EPB41L4A: variants seen among roughly 807,000 people sequenced by gnomAD.
EPB41L4A encodes the protein band 4.1-like protein 4A.
A neutral mutation model predicts 108.6 loss-of-function variants in EPB41L4A; 100 were observed. The observed-to-expected ratio is 0.92, with a 90% CI of 0.78 to 1.09. The LOEUF is 1.09. Among genes scored for constraint, EPB41L4A ranks in the 50% least tolerant of loss-of-function variants. The pLI is 0.00. For missense variants in EPB41L4A, 1,030 were observed against 842.7 expected (o/e 1.22, Z -2.75); for synonymous variants, 319 against 289.0 (o/e 1.10, Z -1.05).
chr5:112,180,075 C>T (rs187719055), intron 18 of EPB41L4A, among the ~76,000 whole-genome samples: 3 of 152,030 alleles, frequency 2.0e-5, no homozygotes, highest in East Asian at 1.9e-4. Flanking sequence ...TAAATTACTC[C>T]GTACTGAGAA....
chr5:112,416,491 G>T (rs932518366), intron 1 of EPB41L4A, among the ~76,000 whole-genome samples: 1 of 152,088 alleles, frequency 6.6e-6, no homozygotes, highest in African/African-American at 2.4e-5. Flanking sequence ...GTTAGGAAAT[G>T]CTTTTGAAAA....
At chr5:112,214,886 T>C (rs1747504718) in intron 12 of EPB41L4A, among the ~76,000 whole-genome samples, 1 of 152,210 alleles carries the variant, frequency 6.6e-6, no homozygotes, top group Non-Finnish European at 1.5e-5. Flanking sequence ...CTGCCTAAAA[T>C]ATCTGGAAAC....
rs938274675 is a variant in EPB41L4A at position 112,389,932 on chromosome 5, T to C, written c.99+29009A>G. ...ACACAACCAGGGCAGTTTCACACAA[T>C]AAGGAGGGATGGCATGAAGGTATAA... On this transcript the variant is annotated intron_variant, in intron 1 of 22. Coordinates refer to ENST00000261486, the MANE Select transcript of EPB41L4A (RefSeq NM_022140.5). Among the ~76,000 whole-genome samples the C allele has an allele frequency of 2.6e-5, 4 of 152,074 alleles. No individual in the cohort carries two copies. The East Asian group carries it at 7.7e-4, about 29-fold the overall frequency.
At chr5:112,271,136 G>C (rs1452343386) in intron 4 of EPB41L4A, among the ~76,000 whole-genome samples, 1 of 152,138 alleles carries the variant, frequency 6.6e-6, no homozygotes, top group East Asian at 1.9e-4. Flanking sequence ...ACTGAATGAA[G>C]TGTAAGGGCA....
intron 12 of EPB41L4A, among the ~76,000 whole-genome samples, chr5:112,214,436 C>G (rs1483586574): frequency 6.6e-6 from 1 of 152,172 alleles, no homozygotes; most frequent in Non-Finnish European, 1.5e-5. Context: ...AACAAATAAT[C>G]ATACAGTAAA....
chr5:112,341,566 C>T (rs1368748975), intron 1 of EPB41L4A, among the ~76,000 whole-genome samples: 1 of 152,130 alleles, frequency 6.6e-6, no homozygotes, highest in Non-Finnish European at 1.5e-5. Flanking sequence ...CCATTAAAAA[C>T]ATCTTTGTTG....
intron 12 of EPB41L4A, among the ~76,000 whole-genome samples, chr5:112,212,719 A>G (rs1321460679): frequency 6.6e-6 from 1 of 152,174 alleles, no homozygotes; most frequent in Non-Finnish European, 1.5e-5. Context: ...CTGTTTTCCT[A>G]GGCTGGGAGA....
At chr5:112,263,625 T>A (rs1751642416) in intron 6 of EPB41L4A, 1 of 152,122 alleles carries the variant, frequency 6.6e-6, no homozygotes, top group Non-Finnish European at 1.5e-5. Context: ...TCTCTGACCA[T>A]CTACTTCAGC....
chr5:112,277,297 C>T (rs2140623), intron 3 of EPB41L4A, among the ~76,000 whole-genome samples: 6,472 of 152,190 alleles, frequency 0.043, 306 homozygotes, highest in African/African-American at 0.12. Flanking sequence ...ACAGATTACA[C>T]CCTATTCACC....
intron 11 of EPB41L4A, among the ~76,000 whole-genome samples, chr5:112,235,309 A>G (rs1749252253): frequency 6.6e-6 from 1 of 152,176 alleles, no homozygotes; most frequent in Non-Finnish European, 1.5e-5. Flanking sequence ...TGCTCTATAC[A>G]TTCCATGCAG....
intron 1 of EPB41L4A, among the ~76,000 whole-genome samples, chr5:112,415,068 T>C (rs2112834709): frequency 6.6e-6 from 1 of 152,354 alleles, no homozygotes; most frequent in East Asian, 1.9e-4. Context: ...CTTTTCATTT[T>C]TTCCCAATCT....
rs992528752 is a variant in EPB41L4A at position 112,317,245 on chromosome 5, A to T, written c.100-9755T>A. ...TCTCTGTAATATTTCAAATTAGAGC[A>T]AAAGAAAGAATGACAGTAAATCATC... On this transcript the variant is annotated intron_variant, in intron 1 of 22. Transcript: ENST00000261486. Among the ~76,000 whole-genome samples the T allele has an allele frequency of 3.9e-5, 6 of 152,236 alleles. No individual in the cohort carries two copies. In the East Asian group the frequency reaches 1.2e-3, roughly 29 times the overall value.
At chr5:112,233,503 C>T (rs1231094715) in intron 12 of EPB41L4A, among the ~76,000 whole-genome samples, 1 of 151,984 alleles carries the variant, frequency 6.6e-6, no homozygotes. Context: ...AATAAAAGAC[C>T]AATAATAACA....
intron 1 of EPB41L4A, among the ~76,000 whole-genome samples, chr5:112,381,912 TC>T (rs1760200774): frequency 6.6e-6 from 1 of 152,138 alleles, no homozygotes; most frequent in Non-Finnish European, 1.5e-5. Flanking sequence ...CTGGGTAACC[TC>T]CCCCTTTCAG....
chr5:112,218,480 C>T (rs950507430), intron 12 of EPB41L4A, among the ~76,000 whole-genome samples: 13 of 152,166 alleles, frequency 8.5e-5, no homozygotes, highest in Non-Finnish European at 2.9e-5. Context: ...ATCAGGGCTA[C>T]ACAGCCGACT....
chr5:112,234,641 C>G lies in EPB41L4A; in HGVS notation c.1080G>C (p.Gln360His). The G allele has an allele frequency of 6.2e-7, 1 of 1,612,688 alleles. No homozygotes were observed. Among genetic ancestry groups the G allele is most frequent in the Non-Finnish European group, 8.5e-7 (1 of 1,179,052 alleles). ...AGGGGAACCATGACTTACCAGCTGGCTGTGTTTGTGCTATTCGCTTAGGGT... is the reference window on the plus strand; with the variant it reads ...AGGGGAACCATGACTTACCAGCTGGGTGTGTTTGTGCTATTCGCTTAGGGT... ...KTYPKRIAQT[Q>H]PAESNSISRI... Residue 360 changes from glutamine to histidine, a missense_variant, in exon 12 of 23, where the codon CAG (glutamine) becomes CAC (histidine). Physicochemically the swap from Gln to His is conservative, Grantham distance 24. Coordinates refer to ENST00000261486, the MANE Select transcript of EPB41L4A (RefSeq NM_022140.5).
At chr5:112,161,640 T>C (rs768866323), downstream of EPB41L4A, 13 of 518,828 alleles carry the variant, frequency 2.5e-5, no homozygotes, top group African/African-American at 2.5e-4. Context: ...TTTCCACGCG[T>C]GATCTTGACC....
chr5:112,156,755 C>A (rs2065136011), intron 12 of EPB41L4A, among the ~76,000 whole-genome samples: 2 of 152,054 alleles, frequency 1.3e-5, no homozygotes, highest in South Asian at 4.1e-4. Flanking sequence ...CAATGCAATT[C>A]CAATAAAAAT....
Position 112,301,719 on chromosome 5 carries a change from T to A in EPB41L4A, c.204+5667A>T, listed in dbSNP as rs138560292. Among the ~76,000 whole-genome samples the A allele has an allele frequency of 8.3e-3, 1,259 of 152,294 alleles. 30 individuals are homozygous for A. The highest frequency in any genetic ancestry group is 0.054 in the South Asian group (263 of 4,828). ...GCAATCTAGTCCTGCCCCCTGTCTG[T>A]CAATTTCCATAGAAAATATGTTTAA... On this transcript the variant is annotated intron_variant, in intron 2 of 22. Coordinates refer to ENST00000261486, the MANE Select transcript of EPB41L4A (RefSeq NM_022140.5).
Sources: allele counts gnomAD v4.1 joint callset (sites outside exome capture counted in the v4.1 genomes callset), GRCh38; gene constraint gnomAD v4.1.1; transcripts MANE v1.5; gene names NCBI Gene and HGNC (gene_info 2026-07-23, HGNC 2026-07-21).